The following SUMF1 variants were observed in gnomAD, a reference collection of about 807,000 sequenced individuals.
The protein encoded by SUMF1 is formylglycine-generating enzyme.
In SUMF1, 48 loss-of-function variants were observed where a neutral mutation model predicts 47.6. That is an observed-to-expected ratio of 1.01 (90% CI 0.80 to 1.28). The LOEUF is 1.28. Among genes scored for constraint, SUMF1 ranks in the 50% most tolerant of loss-of-function variants. The probability of loss-of-function intolerance (pLI) is 0.00; values close to 1 mark genes in which losing one functional copy is unlikely to be tolerated. For synonymous variants in SUMF1, 230 were observed against 192.1 expected (o/e 1.20, Z -1.63); for missense variants, 571 against 485.4 (o/e 1.18, Z -1.66).
intron 8 of SUMF1, among the ~76,000 whole-genome samples, chr3:4,088,008 G>A (rs77680447): frequency 0.038 from 5,776 of 152,142 alleles, 356 homozygotes; most frequent in East Asian, 0.16. Context: ...CTAAGAAGGT[G>A]TAATACAATT....
At chr3:4,274,461 T>G (rs895355853) in intron 8 of SUMF1, among the ~76,000 whole-genome samples, 1 of 152,216 alleles carries the variant, frequency 6.6e-6, no homozygotes, top group African/African-American at 2.4e-5. Context: ...ATTATTCTTA[T>G]TTAATGAATA....
chr3:4,365,918 A>T (rs2125188495), intron 8 of SUMF1, among the ~76,000 whole-genome samples: 1 of 152,318 alleles, frequency 6.6e-6, no homozygotes, highest in Non-Finnish European at 1.5e-5. Context: ...CCTGGTAGCA[A>T]CAAAATCTCT....
chr3:4,149,656 AT>A (rs1466516593), intron 8 of SUMF1, among the ~76,000 whole-genome samples: 1 of 152,222 alleles, frequency 6.6e-6, no homozygotes, highest in African/African-American at 2.4e-5. Context: ...GGAAGCAACC[AT>A]CCCCACTTGG....
rs373303487 is a variant in SUMF1, at chr3:4,430,239, A to G, written c.520-10093T>C. 2.0e-5 allele frequency among the ~76,000 whole-genome samples: 3 copies of G among 152,328 alleles called. No homozygotes were observed. The East Asian group carries it at 5.8e-4, about 29-fold the overall frequency. On this transcript the variant is annotated intron_variant, in intron 3 of 8. Coordinates refer to ENST00000272902, the MANE Select transcript of SUMF1 (RefSeq NM_182760.4). Reference sequence around the variant, plus strand: ...TCAAAGGAGTCACAGTAGTTAGGAAAGCACTGGGTTACTCAAAGTTAAACT... The same window carrying G: ...TCAAAGGAGTCACAGTAGTTAGGAAGGCACTGGGTTACTCAAAGTTAAACT...
Position 4,410,793 on chromosome 3 carries a change from C to T in SUMF1, c.954+72G>A, listed in dbSNP as rs940651524. ...GTAAATACCCCTCGGAAACACATGA[C>T]AGCCTGGCTGCAGACTGCCCAGAGG... On this transcript the variant is annotated intron_variant, in intron 7 of 8. Transcript: ENST00000272902. 2.2e-6 allele frequency: 3 copies of T among 1,352,190 alleles called. No homozygotes were observed. In the Admixed American group the frequency reaches 5.0e-5, roughly 23 times the overall value. 83.8% of individuals were successfully genotyped at this position (1,352,190 alleles called of 1,614,324 possible).
intron 8 of SUMF1, among the ~76,000 whole-genome samples, chr3:4,187,267 G>T (rs1695220013): frequency 1.3e-5 from 2 of 152,318 alleles, no homozygotes; most frequent in Middle Eastern, 6.8e-3. Context: ...TACTCAGGAG[G>T]CAAAGGTGGG....
chr3:4,455,945 C>T (rs1210315375), intron 1 of SUMF1, among the ~76,000 whole-genome samples: 2 of 152,014 alleles, frequency 1.3e-5, no homozygotes, highest in Non-Finnish European at 2.9e-5. Context: ...AGGCCAATAT[C>T]CCTAATGAAC....
At chr3:4,247,873 T>C (rs145920960) in intron 8 of SUMF1, among the ~76,000 whole-genome samples, 3 of 152,324 alleles carry the variant, frequency 2.0e-5, no homozygotes, top group East Asian at 3.9e-4. Context: ...CAGTCTAAAA[T>C]TGAAAACTCA....
At chr3:4,306,997 C>T (rs578106296) in intron 8 of SUMF1, among the ~76,000 whole-genome samples, 1 of 152,296 alleles carries the variant, frequency 6.6e-6, no homozygotes, top group South Asian at 2.1e-4. Context: ...ATTTTTAGAT[C>T]TCAACAGGCC....
intron 7 of SUMF1, among the ~76,000 whole-genome samples, chr3:4,378,850 T>A (rs1700409513): frequency 6.6e-6 from 1 of 152,226 alleles, no homozygotes; most frequent in African/African-American, 2.4e-5. Context: ...TCTGCTAGCG[T>A]GCAATTTAGA....
intron 8 of SUMF1, among the ~76,000 whole-genome samples, chr3:4,351,641 A>T (rs965241030): frequency 6.6e-6 from 1 of 152,220 alleles, no homozygotes; most frequent in African/African-American, 2.4e-5. Flanking sequence ...CCTAAAAAAA[A>T]GTCCATTTCT....
rs139795119 is a variant in SUMF1 at position 4,045,157 on chromosome 3, G to T, written c.1191+23412C>A. Among the ~76,000 whole-genome samples, 597 of 152,184 alleles carry T rather than the reference G, an allele frequency of 3.9e-3. 6 individuals are homozygous for T. Among genetic ancestry groups the T allele is most frequent in the African/African-American group, 0.013 (543 of 41,550 alleles). ...CCACAGTCAGTTAATTATAAGTACA[G>T]GAGATTATCCTAGGTAATCTGGGTG... On this transcript the variant is annotated intron_variant and NMD_transcript_variant, in intron 9 of 12. Coordinates refer to the SUMF1 transcript ENST00000448413.
At chr3:4,122,808 G>A (rs1207548172) in intron 8 of SUMF1, among the ~76,000 whole-genome samples, 1 of 152,174 alleles carries the variant, frequency 6.6e-6, no homozygotes, top group Non-Finnish European at 1.5e-5. Context: ...GCAGAGGAGT[G>A]TATTGGAACT....
chr3:4,102,055 C>A (rs2675201), intron 8 of SUMF1, among the ~76,000 whole-genome samples: 6,284 of 152,126 alleles, frequency 0.041, 187 homozygotes, highest in Non-Finnish European at 0.063. Context: ...GAGAACAGCA[C>A]CATGGGGGTA....
intron 8 of SUMF1, among the ~76,000 whole-genome samples, chr3:4,071,651 A>C (rs552279040): frequency 6.6e-6 from 1 of 152,310 alleles, no homozygotes; most frequent in South Asian, 2.1e-4. Context: ...AGGCTTGAGT[A>C]GGCGTTTTTA....
chr3:4,088,491 C>G (rs1382627581), intron 8 of SUMF1, among the ~76,000 whole-genome samples: 1 of 152,124 alleles, frequency 6.6e-6, no homozygotes, highest in Non-Finnish European at 1.5e-5. Context: ...TTACCACAAA[C>G]ACCACTAATA....
intron 7 of SUMF1, among the ~76,000 whole-genome samples, chr3:4,381,164 C>G (rs1388412040): frequency 6.6e-6 from 1 of 152,136 alleles, no homozygotes; most frequent in African/African-American, 2.4e-5. Flanking sequence ...CATCACTCAG[C>G]AAACAGTCAA....
chr3:4,448,408 T>TC (rs1022980857), intron 3 of SUMF1, among the ~76,000 whole-genome samples: 1 of 150,102 alleles, frequency 6.7e-6, no homozygotes, highest in Non-Finnish European at 1.5e-5. Flanking sequence ...CTGGATTCCT[T>TC]CGTCTTCAAT....
chr3:4,289,426 G>A (rs1447804746), intron 8 of SUMF1, among the ~76,000 whole-genome samples: 1 of 152,210 alleles, frequency 6.6e-6, no homozygotes, highest in Non-Finnish European at 1.5e-5. Flanking sequence ...CTGGGCCAGT[G>A]TGGTGTAAAT....
Sources: gnomAD v4.1 joint callset for allele counts (sites outside exome capture counted in the v4.1 genomes callset) on GRCh38, gnomAD v4.1.1 for gene constraint, MANE v1.5 for transcripts, NCBI Gene and HGNC (gene_info 2026-07-23, HGNC 2026-07-21) for gene names.